The following NKAIN2 variants were observed in gnomAD, a reference collection of about 807,000 sequenced individuals.
The protein encoded by NKAIN2 is sodium/potassium transporting ATPase interacting 2.
In NKAIN2, 14 loss-of-function variants were observed where a neutral mutation model predicts 32.6. That is an observed-to-expected ratio of 0.43 (90% confidence interval 0.28 to 0.67). NKAIN2 has a LOEUF of 0.67. Ranked by LOEUF, NKAIN2 falls within the 30% of genes least tolerant of loss-of-function variation. The pLI, the probability that NKAIN2 is intolerant of heterozygous loss-of-function variation, is 0.17. For synonymous variants in NKAIN2, 80 were observed against 87.2 expected (o/e 0.92, Z 0.46); for missense variants, 198 against 258.3 (o/e 0.77, Z 1.60).
At chr6:124,632,336 TAAG>T (rs1783602404) in intron 3 of NKAIN2, among the ~76,000 whole-genome samples, 1 of 152,152 alleles carries the variant, frequency 6.6e-6, no homozygotes. Flanking sequence ...ATATTTTAAA[TAAG>T]AAGGCATAAG....
intron 3 of NKAIN2, among the ~76,000 whole-genome samples, chr6:124,563,707 G>C (rs1780790691): frequency 6.6e-6 from 1 of 152,152 alleles, no homozygotes; most frequent in African/African-American, 2.4e-5. Flanking sequence ...ACCCAGGCTA[G>C]AGTGCAGTGG....
At chr6:124,212,281 C>T (rs1791222729) in intron 1 of NKAIN2, among the ~76,000 whole-genome samples, 1 of 151,932 alleles carries the variant, frequency 6.6e-6, no homozygotes, top group African/African-American at 2.4e-5. Context: ...ATATGATTCT[C>T]TTTTAAATTA....
chr6:124,018,810 C>T (rs1398948929), intron 1 of NKAIN2, among the ~76,000 whole-genome samples: 1 of 152,162 alleles, frequency 6.6e-6, no homozygotes, highest in African/African-American at 2.4e-5. Context: ...CAACCTCTGC[C>T]TGTTACCCAG....
chr6:124,567,115 AC>A (rs1256725502), intron 3 of NKAIN2, among the ~76,000 whole-genome samples: 1 of 151,818 alleles, frequency 6.6e-6, no homozygotes, highest in Admixed American at 6.6e-5. Context: ...TATCGCAAAA[AC>A]TCTTGACAGT....
chr6:123,959,636 A>C (rs999768725), intron 1 of NKAIN2, among the ~76,000 whole-genome samples: 4 of 152,138 alleles, frequency 2.6e-5, no homozygotes, highest in Non-Finnish European at 4.4e-5. Context: ...ACCTGTTAGC[A>C]TCATGCATAG....
chr6:123,828,633 A>G (rs1174658937), intron 1 of NKAIN2, among the ~76,000 whole-genome samples: 1 of 152,130 alleles, frequency 6.6e-6, no homozygotes, highest in Non-Finnish European at 1.5e-5. Context: ...TACAGCCTAT[A>G]TGATCTGATC....
At chr6:124,815,480 G>A (rs1781121461) in intron 5 of NKAIN2, among the ~76,000 whole-genome samples, 1 of 151,874 alleles carries the variant, frequency 6.6e-6, no homozygotes, top group African/African-American at 2.4e-5. Context: ...ATGTTGGCCA[G>A]GCTGGTCTTC....
intron 1 of NKAIN2, among the ~76,000 whole-genome samples, chr6:123,979,158 A>G (rs1394588208): frequency 6.8e-6 from 1 of 148,054 alleles, no homozygotes; most frequent in Non-Finnish European, 1.5e-5. Context: ...CAAATCAGAA[A>G]TCAATCTGAT....
chr6:124,724,976 T>C (rs1159306981), intron 4 of NKAIN2, among the ~76,000 whole-genome samples: 2 of 152,220 alleles, frequency 1.3e-5, no homozygotes, highest in Non-Finnish European at 2.9e-5. Flanking sequence ...AAGGATCTCA[T>C]AAAATTACAA....
chr6:123,975,375 A>G (rs1011859268), intron 1 of NKAIN2, among the ~76,000 whole-genome samples: 5 of 152,204 alleles, frequency 3.3e-5, no homozygotes, highest in African/African-American at 1.2e-4. Context: ...TGAATTATAC[A>G]AAAACTGAAG....
intron 3 of NKAIN2, among the ~76,000 whole-genome samples, chr6:124,524,189 A>C (rs1446307558): frequency 6.6e-6 from 1 of 152,182 alleles, no homozygotes. Context: ...TTAAAAAATA[A>C]ATTTGAAATT....
intron 1 of NKAIN2, among the ~76,000 whole-genome samples, chr6:124,186,498 A>C (rs1025097758): frequency 6.6e-6 from 1 of 152,130 alleles, no homozygotes; most frequent in African/African-American, 2.4e-5. Flanking sequence ...ATCAGGAGAC[A>C]CAATGAAGGA....
chr6:124,473,845 A>C (rs1251923496), intron 3 of NKAIN2, among the ~76,000 whole-genome samples: 1 of 152,164 alleles, frequency 6.6e-6, no homozygotes, highest in African/African-American at 2.4e-5. Flanking sequence ...GCCATGCGTC[A>C]AAACCTTGGA....
chr6:124,162,288 G>A (rs1788320345), intron 1 of NKAIN2, among the ~76,000 whole-genome samples: 1 of 152,000 alleles, frequency 6.6e-6, no homozygotes, highest in African/African-American at 2.4e-5. Context: ...CTATTAGACT[G>A]GTATGATGGA....
At chr6:124,370,476 GCAA>G (rs1370974435) in intron 3 of NKAIN2, among the ~76,000 whole-genome samples, 1 of 152,036 alleles carries the variant, frequency 6.6e-6, no homozygotes, top group African/African-American at 2.4e-5. Flanking sequence ...ATTAGCACAT[GCAA>G]CCTGCTAGAG....
intron 3 of NKAIN2, among the ~76,000 whole-genome samples, chr6:124,523,899 A>G (rs1381994744): frequency 6.6e-6 from 1 of 152,200 alleles, no homozygotes; most frequent in African/African-American, 2.4e-5. Context: ...TATGCCAGAA[A>G]CAATACTCTG....
chr6:124,546,829 G>C (rs1420838824), intron 3 of NKAIN2, among the ~76,000 whole-genome samples: 1 of 152,138 alleles, frequency 6.6e-6, no homozygotes, highest in Non-Finnish European at 1.5e-5. Flanking sequence ...GGAAGTGATA[G>C]TGAATAGGAG....
chr6:123,963,564 T>G (rs1007130), intron 1 of NKAIN2, among the ~76,000 whole-genome samples: 47,884 of 152,016 alleles, frequency 0.31, 7,536 homozygotes, highest in South Asian at 0.4. Flanking sequence ...GCACCAATAT[T>G]ATGGTATTGT....
intron 1 of NKAIN2, among the ~76,000 whole-genome samples, chr6:124,217,552 C>G (rs1231782020): frequency 6.6e-6 from 1 of 151,930 alleles, no homozygotes; most frequent in Non-Finnish European, 1.5e-5. Flanking sequence ...GCACACATTT[C>G]TTTATGTCTA....
Sources: allele counts gnomAD v4.1 joint callset (sites outside exome capture counted in the v4.1 genomes callset), GRCh38; gene constraint gnomAD v4.1.1; transcripts MANE v1.5; gene names NCBI Gene and HGNC (gene_info 2026-07-23, HGNC 2026-07-21).